LRRC4C: variants seen among roughly 807,000 people sequenced by gnomAD.
LRRC4C encodes leucine-rich repeat-containing protein 4C.
In LRRC4C, 5 loss-of-function variants were observed where a neutral mutation model predicts 33.6. The observed-to-expected ratio is 0.15, with a 90% CI of 0.08 to 0.31. The LOEUF is 0.31. LRRC4C is among the 10% of genes least tolerant of loss of function. LRRC4C has a pLI of 1.00. For synonymous variants in LRRC4C, 329 were observed against 302.0 expected (o/e 1.09, Z -0.93); for missense variants, 560 against 796.7 (o/e 0.70, Z 3.58).
chr11:40,643,418 A>C (rs1367041882), intron 3 of LRRC4C, among the ~76,000 whole-genome samples: 1 of 152,144 alleles, frequency 6.6e-6, no homozygotes, highest in Non-Finnish European at 1.5e-5. Context: ...AGCGTCAAAG[A>C]AGATCACACA....
chr11:40,283,332 C>A (rs1363195684), intron 4 of LRRC4C, among the ~76,000 whole-genome samples: 2 of 152,038 alleles, frequency 1.3e-5, no homozygotes, highest in African/African-American at 4.8e-5. Context: ...TTGCTTTTGG[C>A]TCAATTTATA....
intron 1 of LRRC4C, among the ~76,000 whole-genome samples, chr11:41,290,055 G>A (rs1949947316): frequency 6.6e-6 from 1 of 152,150 alleles, no homozygotes; most frequent in Non-Finnish European, 1.5e-5. Flanking sequence ...CACTGCTGTG[G>A]TGATATATGT....
At chr11:40,574,670 A>G (rs1446973061) in intron 3 of LRRC4C, among the ~76,000 whole-genome samples, 3 of 152,170 alleles carry the variant, frequency 2.0e-5, no homozygotes, top group African/African-American at 7.2e-5. Flanking sequence ...TTAAATTTAG[A>G]ATTCTCAGAT....
At chr11:41,261,174 C>A (rs12285627) in intron 1 of LRRC4C, among the ~76,000 whole-genome samples, 19,742 of 151,986 alleles carry the variant, frequency 0.13, 1,427 homozygotes, top group Middle Eastern at 0.25. Flanking sequence ...TTTTGACAAC[C>A]CTTACCCTTC....
intron 1 of LRRC4C, among the ~76,000 whole-genome samples, chr11:41,139,695 T>C (rs1590725131): frequency 1.9e-5 from 1 of 53,386 alleles, no homozygotes; most frequent in East Asian, 6.1e-4. Flanking sequence ...AAGCCTTAGG[T>C]TAATACTTTT....
At chr11:40,298,162 T>C (rs900193222) in intron 4 of LRRC4C, among the ~76,000 whole-genome samples, 4 of 152,178 alleles carry the variant, frequency 2.6e-5, no homozygotes, top group Non-Finnish European at 4.4e-5. Flanking sequence ...CTTGTCATAA[T>C]TATTAAAATA....
intron 2 of LRRC4C, among the ~76,000 whole-genome samples, chr11:40,912,659 T>C (rs937584015): frequency 2.0e-5 from 3 of 147,676 alleles, no homozygotes; most frequent in Non-Finnish European, 3.0e-5. Context: ...AATAACCAGC[T>C]AACATCATAA....
At chr11:40,964,866 A>T (rs975072659) in intron 1 of LRRC4C, among the ~76,000 whole-genome samples, 5 of 152,032 alleles carry the variant, frequency 3.3e-5, no homozygotes, top group Admixed American at 3.3e-4. Flanking sequence ...CATGATTTAT[A>T]ATCCTTTGGG....
At chr11:40,610,308 A>G (rs1961075435) in intron 3 of LRRC4C, among the ~76,000 whole-genome samples, 1 of 151,934 alleles carries the variant, frequency 6.6e-6, no homozygotes, top group Non-Finnish European at 1.5e-5. Context: ...AGAGTTGACA[A>G]AATTAAACAA....
At chr11:40,966,101 A>T (rs355232) in intron 1 of LRRC4C, among the ~76,000 whole-genome samples, 124,010 of 151,880 alleles carry the variant, frequency 0.82, 51,057 homozygotes, top group Non-Finnish European at 0.87. Context: ...TTAAGGGCAG[A>T]TTATGAATGT....
chr11:40,385,664 C>A (rs543926546), intron 3 of LRRC4C, among the ~76,000 whole-genome samples: 6 of 151,750 alleles, frequency 4.0e-5, no homozygotes, highest in Non-Finnish European at 7.4e-5. Context: ...GCCAAGAGAT[C>A]GAGACCATCC....
chr11:40,455,243 C>T (rs1952077687), intron 3 of LRRC4C, among the ~76,000 whole-genome samples: 1 of 152,170 alleles, frequency 6.6e-6, no homozygotes, highest in African/African-American at 2.4e-5. Context: ...ATTTAAACAG[C>T]ATGGCTACTG....
chr11:41,372,244 T>A (rs1054893303), intron 1 of LRRC4C, among the ~76,000 whole-genome samples: 1 of 152,240 alleles, frequency 6.6e-6, no homozygotes, highest in Non-Finnish European at 1.5e-5. Context: ...AGGCTGTATT[T>A]GGTTTGTACA....
chr11:40,936,030 AT>A (rs1957871652), intron 1 of LRRC4C, among the ~76,000 whole-genome samples: 8 of 50,962 alleles, frequency 1.6e-4, no homozygotes, highest in Admixed American at 4.4e-4. Context: ...ATATATATAT[AT>A]ATATATATAT....
intron 1 of LRRC4C, among the ~76,000 whole-genome samples, chr11:41,439,396 T>C (rs567990085): frequency 6.6e-6 from 1 of 152,326 alleles, no homozygotes; most frequent in African/African-American, 2.4e-5. Flanking sequence ...TATTTAATAG[T>C]GGACTTGCTG....
chr11:40,901,465 C>A (rs999577400), intron 2 of LRRC4C, among the ~76,000 whole-genome samples: 3 of 151,990 alleles, frequency 2.0e-5, no homozygotes, highest in East Asian at 1.9e-4. Context: ...GAAGGCCATA[C>A]AAGAATGTTT....
chr11:40,531,571 C>A (rs1344783005), intron 3 of LRRC4C, among the ~76,000 whole-genome samples: 1 of 152,070 alleles, frequency 6.6e-6, no homozygotes, highest in Non-Finnish European at 1.5e-5. Context: ...GGTTTCAGTT[C>A]TTTTCTCAGG....
chr11:40,765,561 A>G (rs891132206), intron 2 of LRRC4C, among the ~76,000 whole-genome samples: 1 of 152,204 alleles, frequency 6.6e-6, no homozygotes, highest in African/African-American at 2.4e-5. Context: ...TTAAAGGAGC[A>G]TAATGAAATC....
At chr11:41,004,598 C>T (rs1854604854) in intron 1 of LRRC4C, among the ~76,000 whole-genome samples, 1 of 152,148 alleles carries the variant, frequency 6.6e-6, no homozygotes, top group Admixed American at 6.5e-5. Flanking sequence ...CTAGAGAATG[C>T]TCTATGCTTT....
Sources: allele counts gnomAD v4.1 joint callset (sites outside exome capture counted in the v4.1 genomes callset), GRCh38; gene constraint gnomAD v4.1.1; transcripts MANE v1.5; gene names NCBI Gene and HGNC (gene_info 2026-07-23, HGNC 2026-07-21).